ABCA2: variants seen among roughly 807,000 people sequenced by gnomAD.
The protein encoded by ABCA2 is ATP binding cassette subfamily A member 2.
Under a neutral mutation model 262.8 loss-of-function variants are expected in ABCA2, and 84 were observed. The ratio of observed to expected loss-of-function variants is 0.32; its 90% CI spans 0.27 to 0.38. The LOEUF (loss-of-function observed/expected upper bound fraction) is 0.38. Among genes scored for constraint, ABCA2 ranks in the 10% least tolerant of loss-of-function variants. The pLI is 1.00. For synonymous variants in ABCA2, 1,696 were observed against 1,502.9 expected (o/e 1.13, Z -2.97); for missense variants, 2,662 against 3,405.9 (o/e 0.78, Z 5.44).
chr9:137,027,022 C>T lies in ABCA2; in HGVS notation c.66+1053G>A, dbSNP rs78164732. On this transcript the variant is annotated intron_variant, in intron 1 of 48. Transcript: ENST00000341511. ...CCCCAGCTGACTGCAGCCTGGGTTT[C>T]CTGCAGTGCATGTTGAAAGATAAAC... 5.9e-5 allele frequency among the ~76,000 whole-genome samples: 9 copies of T among 152,382 alleles called. No individual in the cohort carries two copies. In the East Asian group the frequency reaches 1.7e-3, roughly 29 times the overall value.
In ABCA2 at chr9:137,013,840, GGGACGGACAGGGCCAC is replaced by G; in HGVS notation, c.4423_4438del (p.Val1475ArgfsTer51). Reference sequence around the variant, plus strand: ...TCCAGCCGGTGGCCTACCAATCTCCGGGACGGACAGGGCCACGGTCATGGCCACGCAGACGAAGAAG... The same window carrying G: ...TCCAGCCGGTGGCCTACCAATCTCCGGGTCATGGCCACGCAGACGAAGAAG... On this transcript the variant is annotated frameshift_variant, in exon 28 of 49. Transcript: ENST00000341511. LOFTEE classifies it high-confidence loss of function. 2 of 1,606,226 alleles carry G rather than the reference GGGACGGACAGGGCCAC, an allele frequency of 1.2e-6. No individual in the cohort carries two copies. Among genetic ancestry groups the G allele is most frequent in the Non-Finnish European group, 1.7e-6 (2 of 1,177,004 alleles).
At chr9:137,020,213 G>A (rs893336554) in intron 10 of ABCA2, 123 bp downstream of exon 10, 10 of 1,346,810 alleles carry the variant, frequency 7.4e-6, no homozygotes, top group East Asian at 2.4e-5. Flanking sequence ...TGTCCCATCC[G>A]AAGCTGCACC....
intron 3 of ABCA2, 106 bp from the exon 4 acceptor site, chr9:137,023,158 A>C: frequency 7.8e-6 from 7 of 898,298 alleles, no homozygotes; most frequent in Non-Finnish European, 1.2e-5. Context: ...AATTTAGAGA[A>C]AGTCAGGAAG....
intron 24 of ABCA2, 97 bp from the exon 25 acceptor site, chr9:137,015,194 A>G: frequency 7.4e-7 from 1 of 1,356,034 alleles, no homozygotes; most frequent in Non-Finnish European, 1.0e-6. Context: ...GGCATTGGAG[A>G]GGAAGAACCA....
intron 14 of ABCA2, 40 bp downstream of exon 14, chr9:137,018,138 C>A: frequency 6.2e-7 from 1 of 1,610,208 alleles, no homozygotes; most frequent in East Asian, 2.2e-5. Flanking sequence ...CTGTCCTCCC[C>A]CATGAATCCT....
intron 24 of ABCA2, 120 bp from the exon 25 acceptor site, chr9:137,015,217 T>C (rs1034377792): frequency 7.9e-7 from 1 of 1,263,956 alleles, no homozygotes; most frequent in Non-Finnish European, 1.1e-6. Flanking sequence ...CCCCAGCAGG[T>C]ATCCTGGGCC....
At chr9:137,010,401 C>T in intron 40 of ABCA2, 30 bp from the exon 41 acceptor site, 2 of 1,550,520 alleles carry the variant, frequency 1.3e-6, no homozygotes, top group Non-Finnish European at 1.7e-6. Context: ...CTCAGCGGGG[C>T]ATCCTGCCCC....
rs1232794794 is a variant in ABCA2 at position 137,027,921 on chromosome 9, G to A, written c.66+154C>T. 6.7e-5 allele frequency: 12 copies of A among 178,264 alleles called. No individual in the cohort carries two copies. In the South Asian group the frequency reaches 1.9e-3, roughly 28 times the overall value. 11.0% of individuals were successfully genotyped at this position (178,264 alleles called of 1,614,324 possible). The stretch of plus-strand genomic sequence containing the variant: ...GCCGCAGCGCCGGCAGGCGAGGGCA[G>A]GGCCCGGCGGGGAGGGGGCTCGGGC... On this transcript the variant is annotated intron_variant, in intron 1 of 48. Transcript: ENST00000341511.
upstream of ABCA2, chr9:137,028,344 G>T (rs1831734512): frequency 1.1e-6 from 1 of 886,890 alleles, no homozygotes; most frequent in Non-Finnish European, 1.3e-6. The surrounding 1 kb of genome is among the most constrained non-coding windows in gnomAD (Gnocchi z 6.9). Context: ...GCTTAAAGGC[G>T]CCGCGCTCCG....
intron 27 of ABCA2, 61 bp downstream of exon 27, chr9:137,014,107 C>T (rs1408885134): frequency 2.6e-5 from 41 of 1,588,940 alleles, no homozygotes; most frequent in Middle Eastern, 1.7e-4. Flanking sequence ...GCCCTCATGC[C>T]GCTCCCCCGC....
rs201611333 is a variant in ABCA2 at position 137,018,857 on chromosome 9, C to T, written c.1723-42G>A. 7.1e-4 allele frequency: 1,139 copies of T among 1,612,362 alleles called. 5 individuals carry two copies. In the African/African-American group the frequency reaches 1.0e-2, roughly 14 times the overall value. ...CGCTGGAGCCCGCCGTGGGCATGTG[C>T]GAGGCAGGGGGTGTCGTGGGTTGGC... On this transcript the variant is annotated intron_variant, in intron 12 of 48. Transcript: ENST00000341511.
chr9:137,015,315 G>T, intron 24 of ABCA2, 99 bp downstream of exon 24: 1 of 1,385,418 alleles, frequency 7.2e-7, no homozygotes, highest in Non-Finnish European at 9.7e-7. Flanking sequence ...TGGGCCCAGC[G>T]GGTGACGGTG....
rs536705440 is a variant in ABCA2 at position 137,015,020 on chromosome 9, G to A, written c.3775C>T (p.Arg1259Cys). ...CSELQVSQFI[R>C]KHVASCLLVS... ...AGCAGGCAGGAGGCCACATGCTTGC[G>A]GATGAACTGGGACACCTGGAGCTCG... The change falls in exon 25 of 49, where the codon CGC (arginine) becomes TGC (cysteine). Residue 1259 changes from arginine to cysteine, a missense_variant. Arg to Cys is a radical substitution (Grantham distance 180, BLOSUM62 -3). Coordinates refer to ENST00000341511, the MANE Select transcript of ABCA2 (RefSeq NM_001606.5). The A allele has an allele frequency of 6.7e-5, 107 of 1,606,572 alleles. No homozygotes were observed. In the South Asian group the frequency reaches 7.8e-4, roughly 12 times the overall value.
At chr9:137,010,492 C>T (rs966264724) in intron 40 of ABCA2, 121 bp from the exon 41 acceptor site, 3 of 1,447,226 alleles carry the variant, frequency 2.1e-6, no homozygotes, top group Non-Finnish European at 2.8e-6. Flanking sequence ...CACAGCCCCA[C>T]CCCATGCAGG....
Position 137,010,097 on chromosome 9 carries a change from C to T in ABCA2, c.6381G>A (p.Gln2127=), listed in dbSNP as rs1225971774. The change falls in exon 42 of 49, where the codon CAG becomes CAA. Residue 2127 remains glutamine (Q), a synonymous_variant. Coordinates refer to ENST00000341511, the MANE Select transcript of ABCA2 (RefSeq NM_001606.5). ...HSVLKELLQV[Q]QSLGYCPQCD... ...ACTGCGGGCAGTAGCCGAGGCTCTG[C>T]TGCACCTGGAGCAGCTCCTTCAGCA... 9 of 1,597,516 alleles carry T rather than the reference C, an allele frequency of 5.6e-6. No homozygotes were observed. The highest frequency in any genetic ancestry group is 7.6e-6 in the Non-Finnish European group (9 of 1,177,052).
In ABCA2 at chr9:137,007,581, C is replaced by T. The variant is rs186443847; in HGVS notation, c.*348G>A. On this transcript the variant is annotated 3_prime_UTR_variant, in exon 49 of 49. Transcript: ENST00000341511. The stretch of plus-strand genomic sequence containing the variant: ...AAGAGAGAAAAGCTGGTTCCGAGGC[C>T]GGGCAGGAGAAAGGCCAGCAGTGCC... 16 of 397,694 alleles carry T rather than the reference C, an allele frequency of 4.0e-5. No individual in the cohort carries two copies. The highest frequency in any genetic ancestry group is 2.3e-4 in the African/African-American group (11 of 47,812). The allele number at this position is 397,694 out of a possible 1,614,324, so 24.6% of individuals were successfully genotyped here. A position where few individuals can be genotyped will look rare whatever the true frequency, so the allele number is the denominator to read the frequency against.
In ABCA2 at chr9:137,015,442, C is replaced by T. The variant is rs1350076793; in HGVS notation, c.3669G>A (p.Lys1223=). The part of the protein sequence containing the change: ...YGDGYRLTLV[K]RPAEPGGPQE... ...GGGGGCCCCCCGGCTCGGCGGGCCG[C>T]TTGACCAGCGTGAGGCGGTACCCGT... Residue 1223 remains lysine (K), a synonymous_variant, in exon 24 of 49, where the codon AAG becomes AAA. Transcript: ENST00000341511. 1.9e-6 allele frequency: 3 copies of T among 1,573,280 alleles called. No homozygotes were observed. Among genetic ancestry groups the T allele is most frequent in the Middle Eastern group, 1.9e-4 (1 of 5,198 alleles).
Position 137,028,165 on chromosome 9 carries a change from A to G in ABCA2, c.-25T>C. On this transcript the variant is annotated 5_prime_UTR_variant, in exon 1 of 49. The change abolishes the stop of an existing upstream ORF in the 5' untranslated region. Transcript: ENST00000341511. The surrounding 1 kb of genome is among the most constrained non-coding windows in gnomAD (Gnocchi z 6.9). ...TGGCGGGGCCACGCTCCGCCGCCTC[A>G]GCGCCGCGGCCCGCTCCTCTGCGCG... 1.0e-6 allele frequency: 1 copy of G among 980,670 alleles called. No individual in the cohort carries two copies. The highest frequency in any genetic ancestry group is 1.2e-6 in the Non-Finnish European group (1 of 828,202). The allele number at this position is 980,670 out of a possible 1,614,324, so 60.7% of individuals were successfully genotyped here. A position where few individuals can be genotyped will look rare whatever the true frequency, so the allele number is the denominator to read the frequency against.
Position 137,011,051 on chromosome 9 carries a change from A to G in ABCA2, c.5978T>C (p.Leu1993Pro). 1 of 1,603,934 alleles carries G rather than the reference A, an allele frequency of 6.2e-7. No individual in the cohort carries two copies. The highest frequency in any genetic ancestry group is 8.5e-7 in the Non-Finnish European group (1 of 1,175,908). ...GACGCCCTCAACCGCCATGGCCACC[A>G]GTCCGCGGGTGACAATGTCCCACTC... ...PFEWDIVTRG[L>P]VAMAVEGVVG... Residue 1993 changes from leucine to proline, a missense_variant, in exon 39 of 49, where the codon CTG (leucine) becomes CCG (proline). Around this residue, in one of 12 missense-constraint regions of ABCA2, gnomAD observed 602 missense variants for 897.4 expected, o/e 0.67. Transcript: ENST00000341511. This position sits in a 1 kb window ranked among gnomAD's most constrained non-coding sequence, Gnocchi z 8.8.
Sources: allele counts gnomAD v4.1 joint callset (sites outside exome capture counted in the v4.1 genomes callset), GRCh38; gene constraint gnomAD v4.1.1; regional missense constraint gnomAD v4.1.1; non-coding constraint Gnocchi (gnomAD v3.1); transcripts MANE v1.5; gene names NCBI Gene and HGNC (gene_info 2026-07-23, HGNC 2026-07-21).